THSD4: variants seen among roughly 807,000 people sequenced by gnomAD.
The protein encoded by THSD4 is thrombospondin type-1 domain-containing protein 4.
A neutral mutation model predicts 119.0 loss-of-function variants in THSD4; 69 were observed. The ratio of observed to expected loss-of-function variants is 0.58; its 90% CI spans 0.48 to 0.71. The LOEUF is 0.71. Among genes scored for constraint, THSD4 ranks in the 30% least tolerant of loss-of-function variants. The pLI, the probability that THSD4 is intolerant of heterozygous loss-of-function variation, is 0.00. For missense variants in THSD4, 1,393 were observed against 1,391.1 expected (o/e 1.00, Z -0.02); for synonymous variants, 524 against 540.4 (o/e 0.97, Z 0.42).
upstream of THSD4, chr15:71,111,337 C>T: frequency 6.2e-7 from 1 of 1,613,984 alleles, no homozygotes; most frequent in South Asian, 1.1e-5. Flanking sequence ...AGAATTTTCT[C>T]TTGCCCAGTT....
At chr15:71,336,165 G>A (rs565054808) in intron 6 of THSD4, among the ~76,000 whole-genome samples, 7 of 152,200 alleles carry the variant, frequency 4.6e-5, no homozygotes, top group Admixed American at 1.3e-4. Flanking sequence ...AAATGCTCAA[G>A]CTTCTAGAAT....
chr15:71,724,068 TA>T (rs71154796), intron 8 of THSD4, among the ~76,000 whole-genome samples: 4,450 of 123,468 alleles, frequency 0.036, 225 homozygotes, highest in African/African-American at 0.11. Flanking sequence ...TGTCTTTATT[TA>T]AAAAAAAAAA....
At chr15:71,264,895 G>T (rs2044446149) in intron 6 of THSD4, among the ~76,000 whole-genome samples, 1 of 152,116 alleles carries the variant, frequency 6.6e-6, no homozygotes, top group Non-Finnish European at 1.5e-5. Flanking sequence ...TGAATGCTAT[G>T]GACTAAATGT....
intron 1 of THSD4, among the ~76,000 whole-genome samples, chr15:71,126,172 G>T (rs1301849305): frequency 3.3e-5 from 5 of 152,212 alleles, no homozygotes; most frequent in Non-Finnish European, 4.4e-5. Flanking sequence ...GGCGTGGTCA[G>T]AGGAGGCCTA....
At chr15:71,388,721 T>C (rs2046327510) in intron 6 of THSD4, among the ~76,000 whole-genome samples, 1 of 151,750 alleles carries the variant, frequency 6.6e-6, no homozygotes, top group Non-Finnish European at 1.5e-5. Context: ...TGGATGTTTG[T>C]ATGGACTCAG....
chr15:71,560,726 T>C (rs1465687614), intron 7 of THSD4, among the ~76,000 whole-genome samples: 1 of 152,218 alleles, frequency 6.6e-6, no homozygotes, highest in Admixed American at 6.5e-5. Context: ...TTATATTTCT[T>C]AGGTTCTACT....
intron 7 of THSD4, among the ~76,000 whole-genome samples, chr15:71,597,727 C>G (rs986664842): frequency 2.0e-5 from 3 of 152,136 alleles, no homozygotes; most frequent in African/African-American, 7.2e-5. Flanking sequence ...TTAACAAGCT[C>G]GACGCCTTAT....
chr15:71,125,494 G>T (rs925159261), intron 1 of THSD4, among the ~76,000 whole-genome samples: 1 of 152,338 alleles, frequency 6.6e-6, no homozygotes, highest in African/African-American at 2.4e-5. Flanking sequence ...ATGCAATAAA[G>T]TCACTAACCT....
intron 15 of THSD4, among the ~76,000 whole-genome samples, chr15:71,763,521 G>A (rs8030368): frequency 0.13 from 19,457 of 151,598 alleles, 2,481 homozygotes; most frequent in African/African-American, 0.32. Flanking sequence ...GACCAGCCTG[G>A]GCAATATAAT....
intron 12 of THSD4, among the ~76,000 whole-genome samples, chr15:71,745,768 C>T (rs950769003): frequency 6.6e-6 from 1 of 152,186 alleles, no homozygotes; most frequent in Non-Finnish European, 1.5e-5. Context: ...CATCAGCCTC[C>T]CGAGTAGCTG....
At chr15:71,702,303 T>C (rs1369631052) in intron 8 of THSD4, among the ~76,000 whole-genome samples, 1 of 152,224 alleles carries the variant, frequency 6.6e-6, no homozygotes, top group Non-Finnish European at 1.5e-5. Flanking sequence ...AAACTCTTAG[T>C]TAATTGATTC....
intron 7 of THSD4, among the ~76,000 whole-genome samples, chr15:71,613,420 A>G (rs1323889330): frequency 6.6e-6 from 1 of 152,158 alleles, no homozygotes; most frequent in Non-Finnish European, 1.5e-5. Flanking sequence ...CACTTTACGA[A>G]ACCCTGATTT....
chr15:71,602,107 A>C lies in THSD4; in HGVS notation c.1153-58423A>C, dbSNP rs141144775. ...GAAAATGAGTTGTGGGTAAGAACAGACAGGAGGGGTGAGGACAGTAATAAA... is the reference window on the plus strand; with the variant it reads ...GAAAATGAGTTGTGGGTAAGAACAGCCAGGAGGGGTGAGGACAGTAATAAA... On this transcript the variant is annotated intron_variant, in intron 7 of 17. Transcript: ENST00000261862. 6.3e-3 allele frequency among the ~76,000 whole-genome samples: 956 copies of C among 152,248 alleles called. 7 individuals carry two copies. The highest frequency in any genetic ancestry group is 0.011 in the Admixed American group (168 of 15,298).
chr15:71,755,706 C>A (rs79217381), intron 14 of THSD4, among the ~76,000 whole-genome samples: 154 of 50,280 alleles, frequency 3.1e-3, no homozygotes, highest in East Asian at 6.2e-3. Context: ...TCAGCAAAGA[C>A]AAAAAAAAAA....
At chr15:71,739,810 T>TTTTTGC (rs1555447982) in intron 11 of THSD4, among the ~76,000 whole-genome samples, 1 of 151,600 alleles carries the variant, frequency 6.6e-6, no homozygotes, top group African/African-American at 2.4e-5. Flanking sequence ...GGTTTTTTTT[T>TTTTTGC]TTTGCTTTGC....
chr15:71,326,933 C>T (rs1272583237), intron 6 of THSD4, among the ~76,000 whole-genome samples: 2 of 150,920 alleles, frequency 1.3e-5, no homozygotes, highest in East Asian at 3.9e-4. Flanking sequence ...TTTGGGAGGC[C>T]GAGGTGGGTG....
intron 4 of THSD4, among the ~76,000 whole-genome samples, chr15:71,224,805 T>C (rs11072261): frequency 0.99 from 150,017 of 152,248 alleles, 73,959 homozygotes; most frequent in East Asian, 1. Context: ...CTGACTCTTA[T>C]CCTCCTACCT....
At position 71,660,625 on chromosome 15, in the gene THSD4, C is replaced by T. The variant is rs562003457; in HGVS notation, c.1248C>T (p.Gly416=). ...ACACGGGCTGTCAGGTTGTGTCGGGCGTGTTTAAGCATGCCCTCACCAGCC... is the reference window on the plus strand; with the variant it reads ...ACACGGGCTGTCAGGTTGTGTCGGGTGTGTTTAAGCATGCCCTCACCAGCC... ...GDNTGCQVVS[G]VFKHALTSLG... Residue 416 remains glycine (G), a synonymous_variant, in exon 8 of 18, where the codon GGC becomes GGT. Transcript: ENST00000261862. The T allele has an allele frequency of 3.2e-5, 52 of 1,614,128 alleles. No homozygotes were observed. The Middle Eastern group carries it at 8.3e-4, about 26-fold the overall frequency.
intron 7 of THSD4, among the ~76,000 whole-genome samples, chr15:71,564,266 G>T (rs2049180834): frequency 6.6e-6 from 1 of 152,196 alleles, no homozygotes; most frequent in Non-Finnish European, 1.5e-5. Flanking sequence ...CCTTCAAGGG[G>T]CAGAGGTTCC....
Sources: gnomAD v4.1 joint callset for allele counts (sites outside exome capture counted in the v4.1 genomes callset) on GRCh38, gnomAD v4.1.1 for gene constraint, MANE v1.5 for transcripts, NCBI Gene and HGNC (gene_info 2026-07-23, HGNC 2026-07-21) for gene names.